TBC1D32: variants seen among roughly 807,000 people sequenced by gnomAD.
The protein encoded by TBC1D32 is protein broad-minded.
TBC1D32 carries 151 observed loss-of-function variants against 170.3 expected under a neutral mutation model. The ratio of observed to expected loss-of-function variants is 0.89; its 90% CI spans 0.78 to 1.01. TBC1D32 has a LOEUF of 1.01. Among genes scored for constraint, TBC1D32 ranks in the 50% least tolerant of loss-of-function variants. TBC1D32 has a pLI of 0.00. For missense variants in TBC1D32, 1,464 were observed against 1,457.1 expected (o/e 1.00, Z -0.08); for synonymous variants, 498 against 488.0 (o/e 1.02, Z -0.27).
At chr6:121,111,237 T>C (rs2128196245) in intron 29 of TBC1D32, among the ~76,000 whole-genome samples, 1 of 152,334 alleles carries the variant, frequency 6.6e-6, no homozygotes, top group Admixed American at 6.5e-5. Context: ...TTTTATAGGC[T>C]CAAAGTATAA....
intron 12 of TBC1D32, among the ~76,000 whole-genome samples, chr6:121,290,028 C>A (rs1489553375): frequency 6.6e-6 from 1 of 152,126 alleles, no homozygotes; most frequent in Non-Finnish European, 1.5e-5. Context: ...AAATATTAGA[C>A]CTAAAACCAT....
chr6:121,240,094 T>C (rs1353491604), intron 19 of TBC1D32, among the ~76,000 whole-genome samples: 2 of 152,140 alleles, frequency 1.3e-5, no homozygotes, highest in Non-Finnish European at 2.9e-5. Flanking sequence ...GGACAATACA[T>C]GTGAAGTTCC....
intron 12 of TBC1D32, 146 bp from the exon 13 acceptor site, chr6:121,284,056 T>C (rs1803430130): frequency 4.8e-6 from 3 of 629,676 alleles, no homozygotes; most frequent in East Asian, 2.8e-5. Context: ...TAATCTCAGA[T>C]AGAAGACTCC....
At chr6:121,103,324 G>A (rs535757743) in intron 30 of TBC1D32, among the ~76,000 whole-genome samples, 2 of 152,008 alleles carry the variant, frequency 1.3e-5, no homozygotes, top group African/African-American at 4.8e-5. Flanking sequence ...GCAAAGACTT[G>A]GAACCAACCC....
intron 22 of TBC1D32, among the ~76,000 whole-genome samples, chr6:121,172,172 C>T (rs973912413): frequency 8.5e-5 from 13 of 152,098 alleles, no homozygotes; most frequent in Non-Finnish European, 4.4e-5. Context: ...TATGAGGCCT[C>T]CCCAGCCACG....
chr6:121,205,187 A>C, intron 21 of TBC1D32, 24 bp from the exon 22 acceptor site: 1 of 1,062,540 alleles, frequency 9.4e-7, no homozygotes, highest in Non-Finnish European at 1.3e-6. Flanking sequence ...ACAAAATGAG[A>C]CTGTATTTAA....
intron 25 of TBC1D32, chr6:121,129,809 A>G: frequency 2.6e-6 from 1 of 382,392 alleles, no homozygotes. Context: ...TCTCCTTTCA[A>G]TGATTGAGTA....
intron 30 of TBC1D32, among the ~76,000 whole-genome samples, chr6:121,095,373 T>G (rs1190681039): frequency 8.5e-5 from 13 of 152,264 alleles, no homozygotes; most frequent in Admixed American, 7.9e-4. Flanking sequence ...TCTTCAAAGG[T>G]TCTCATAAGA....
rs536663559 is a variant in TBC1D32, at chr6:121,305,946, A to G, written c.691-1113T>C. 4.6e-5 allele frequency among the ~76,000 whole-genome samples: 7 copies of G among 152,266 alleles called. No individual in the cohort carries two copies. The South Asian group carries it at 1.4e-3, about 32-fold the overall frequency. ...TAATAAAACTGAACCTTGCTGCATA[A>G]TAATTTAAAATGGCTACAATTTGCT... On this transcript the variant is annotated intron_variant, in intron 5 of 31. Coordinates refer to ENST00000398212, the MANE Select transcript of TBC1D32 (RefSeq NM_152730.6).
At chr6:121,101,224 C>T (rs1031182525) in intron 30 of TBC1D32, among the ~76,000 whole-genome samples, 3 of 152,064 alleles carry the variant, frequency 2.0e-5, no homozygotes, top group Non-Finnish European at 4.4e-5. Flanking sequence ...GGAATCCTCC[C>T]GAACTCATTT....
intron 10 of TBC1D32, among the ~76,000 whole-genome samples, chr6:121,296,379 C>A (rs979586355): frequency 2.0e-5 from 3 of 152,090 alleles, no homozygotes; most frequent in South Asian, 2.1e-4. Flanking sequence ...CCCATATCTA[C>A]CTGTCTTTTC....
intron 20 of TBC1D32, among the ~76,000 whole-genome samples, chr6:121,229,242 G>A (rs1795437573): frequency 6.6e-6 from 1 of 151,994 alleles, no homozygotes; most frequent in African/African-American, 2.4e-5. Flanking sequence ...AGGTTTTCTT[G>A]TGGTTTTATT....
In TBC1D32 at chr6:121,080,642, T is replaced by C. The variant is rs988700722; in HGVS notation, c.*129A>G. 1.6e-5 allele frequency: 19 copies of C among 1,202,344 alleles called. No individual in the cohort carries two copies. Among genetic ancestry groups the C allele is most frequent in the Non-Finnish European group, 1.8e-5 (16 of 880,284 alleles). 74.5% of individuals were successfully genotyped at this position (1,202,344 alleles called of 1,614,324 possible). ...GCTCATACCTACTTAAATATATCGT[T>C]ATACTTCTCAGTATTTACAATATGT... is the stretch of plus-strand genomic sequence containing the variant. On this transcript the variant is annotated 3_prime_UTR_variant, in exon 32 of 32. Transcript: ENST00000398212.
intron 22 of TBC1D32, among the ~76,000 whole-genome samples, chr6:121,185,463 AG>A (rs1238826300): frequency 6.6e-6 from 1 of 152,142 alleles, no homozygotes; most frequent in Non-Finnish European, 1.5e-5. Context: ...GCACAATGCC[AG>A]ATTGGTTGCC....
chr6:121,196,775 G>A (rs58869759), intron 22 of TBC1D32, among the ~76,000 whole-genome samples: 4,161 of 152,202 alleles, frequency 0.027, 151 homozygotes, highest in African/African-American at 0.087. Context: ...TTGCAGGGCT[G>A]GGGCAAATTC....
intron 22 of TBC1D32, among the ~76,000 whole-genome samples, chr6:121,169,223 A>G (rs1318390835): frequency 6.6e-6 from 1 of 152,206 alleles, no homozygotes; most frequent in African/African-American, 2.4e-5. Context: ...GAACAGACAC[A>G]TAGACCAATG....
At chr6:121,159,594 C>G (rs566485360) in intron 24 of TBC1D32, among the ~76,000 whole-genome samples, 3 of 152,140 alleles carry the variant, frequency 2.0e-5, no homozygotes, top group African/African-American at 7.2e-5. Flanking sequence ...TTACACAAAC[C>G]TAGAGGGTAT....
chr6:121,085,409 T>C (rs1270304345), intron 31 of TBC1D32, among the ~76,000 whole-genome samples: 1 of 149,090 alleles, frequency 6.7e-6, no homozygotes, highest in Non-Finnish European at 1.5e-5. Flanking sequence ...ATCAAAGTGA[T>C]AGAAACATAA....
At chr6:121,142,923 C>T (rs565370785) in intron 24 of TBC1D32, among the ~76,000 whole-genome samples, 2 of 152,268 alleles carry the variant, frequency 1.3e-5, no homozygotes, top group Admixed American at 6.5e-5. Flanking sequence ...ACCTTAACAG[C>T]TCCTAACATG....
Sources: allele counts gnomAD v4.1 joint callset (sites outside exome capture counted in the v4.1 genomes callset), GRCh38; gene constraint gnomAD v4.1.1; transcripts MANE v1.5; gene names NCBI Gene and HGNC (gene_info 2026-07-23, HGNC 2026-07-21).